SUSD1: variants seen among roughly 807,000 people sequenced by gnomAD.
The protein encoded by SUSD1 is sushi domain containing 1.
Under a neutral mutation model 86.9 loss-of-function variants are expected in SUSD1, and 65 were observed. The observed-to-expected ratio is 0.75, with a 90% CI of 0.61 to 0.92. The LOEUF (loss-of-function observed/expected upper bound fraction) is 0.92. Ranked by LOEUF, SUSD1 falls within the 40% of genes least tolerant of loss-of-function variation. The pLI is 0.00. For missense variants in SUSD1, 850 were observed against 929.7 expected (o/e 0.91, Z 1.11); for synonymous variants, 346 against 350.0 (o/e 0.99, Z 0.13).
chr9:112,172,207 A>T (rs1589763992), intron 1 of SUSD1, among the ~76,000 whole-genome samples: 1 of 152,084 alleles, frequency 6.6e-6, no homozygotes, highest in East Asian at 1.9e-4. Flanking sequence ...AAAAAAAAAA[A>T]AAAAGAGTAT....
At chr9:112,096,865 C>A (rs1027917551) in intron 10 of SUSD1, among the ~76,000 whole-genome samples, 11 of 152,108 alleles carry the variant, frequency 7.2e-5, no homozygotes, top group Non-Finnish European at 1.6e-4. Context: ...TTTTATTTCT[C>A]TAAGAATTTA....
chr9:112,171,085 A>G (rs139534595), intron 1 of SUSD1, among the ~76,000 whole-genome samples: 5 of 152,218 alleles, frequency 3.3e-5, no homozygotes, highest in African/African-American at 9.6e-5. Flanking sequence ...ATCAGCCCCA[A>G]ATGGTCAGGC....
chr9:112,108,732 T>C (rs935521478), intron 8 of SUSD1, among the ~76,000 whole-genome samples: 1 of 145,740 alleles, frequency 6.9e-6, no homozygotes, highest in Non-Finnish European at 1.5e-5. Context: ...GAGCTGTGAT[T>C]GTACTACTGC....
chr9:112,138,533 A>G (rs1008694660), intron 5 of SUSD1, among the ~76,000 whole-genome samples: 1 of 149,726 alleles, frequency 6.7e-6, no homozygotes, highest in Admixed American at 6.7e-5. Context: ...ATCTCAGCTC[A>G]CAGCAACCTC....
At chr9:112,053,504 A>G (rs538097561) in intron 14 of SUSD1, among the ~76,000 whole-genome samples, 2 of 110,306 alleles carry the variant, frequency 1.8e-5, no homozygotes, top group South Asian at 3.2e-4. Context: ...ACAGAATGAG[A>G]CTTCGTCTCA....
rs755993946 is a variant in SUSD1, at chr9:112,041,854, CA to C, written c.2243+12del. On this transcript the variant is annotated intron_variant, in intron 16 of 16. Transcript: ENST00000374270. ...CATTCCAGTCATTTCTCAAAAATGA[CA>C]CCCTCACATACCACACCGCTGAGAA... 1 of 1,611,522 alleles carries C rather than the reference CA, an allele frequency of 6.2e-7. No homozygotes were observed. Among genetic ancestry groups the C allele is most frequent in the Non-Finnish European group, 8.5e-7 (1 of 1,178,650 alleles).
chr9:112,076,228 T>C (rs1344893774), intron 12 of SUSD1, among the ~76,000 whole-genome samples: 5 of 152,124 alleles, frequency 3.3e-5, no homozygotes, highest in Non-Finnish European at 5.9e-5. Flanking sequence ...GGGAGGTATA[T>C]AGGCAAGAGA....
intron 12 of SUSD1, among the ~76,000 whole-genome samples, chr9:112,066,168 G>T (rs530498492): frequency 5.3e-5 from 8 of 152,302 alleles, no homozygotes; most frequent in African/African-American, 1.9e-4. Context: ...CACTTTACCT[G>T]AGATTAAACC....
At chr9:112,120,690 G>A (rs949153000) in intron 6 of SUSD1, among the ~76,000 whole-genome samples, 1 of 152,216 alleles carries the variant, frequency 6.6e-6, no homozygotes, top group African/African-American at 2.4e-5. Context: ...AAAGGTAGCA[G>A]GCTGAGGATG....
At chr9:112,163,144 T>C (rs923714115) in intron 1 of SUSD1, among the ~76,000 whole-genome samples, 1 of 152,086 alleles carries the variant, frequency 6.6e-6, no homozygotes. Flanking sequence ...CTCATCACTT[T>C]GGTTTGTTTG....
chr9:112,040,967 G>T lies in SUSD1; in HGVS notation c.*525C>A. On this transcript the variant is annotated 3_prime_UTR_variant, in exon 17 of 17. Transcript: ENST00000374270. The stretch of plus-strand genomic sequence containing the variant: ...GAAAAGTACTGTTTCTAAAGTGCTT[G>T]AAACATTTGCCTACGTCACTGTTCT... 6.1e-6 allele frequency: 1 copy of T among 164,092 alleles called. No individual in the cohort carries two copies. Among genetic ancestry groups the T allele is most frequent in the Non-Finnish European group, 1.3e-5 (1 of 74,990 alleles). 10.2% of individuals were successfully genotyped at this position (164,092 alleles called of 1,614,324 possible). A position where few individuals can be genotyped will look rare whatever the true frequency, so the allele number is the denominator to read the frequency against.
chr9:112,149,428 G>A (rs1832951095), intron 2 of SUSD1, 29 bp from the exon 3 acceptor site: 1 of 1,609,904 alleles, frequency 6.2e-7, no homozygotes, highest in Non-Finnish European at 8.5e-7. Context: ...GGCACCGGAA[G>A]AGCTATCAAT....
At chr9:112,142,198 A>G in intron 5 of SUSD1, 122 bp downstream of exon 5, 1 of 792,468 alleles carries the variant, frequency 1.3e-6, no homozygotes, top group Non-Finnish European at 1.9e-6. Context: ...TCTATGAGAA[A>G]CAAATAGGAA....
In SUSD1 at chr9:112,164,176, A is replaced by G. The variant is rs1833685580; in HGVS notation, c.104-6563T>C. 2.6e-5 allele frequency among the ~76,000 whole-genome samples: 4 copies of G among 152,292 alleles called. No homozygotes were observed. In the South Asian group the frequency reaches 8.3e-4, roughly 32 times the overall value. On this transcript the variant is annotated intron_variant, in intron 1 of 16. Transcript: ENST00000374270. Reference sequence around the variant, plus strand: ...TCTGAATTAGTGAAGGATAGAATAGAAAATGTTTTAAAAGAAACTGAATTA... The same window carrying G: ...TCTGAATTAGTGAAGGATAGAATAGGAAATGTTTTAAAAGAAACTGAATTA...
intron 12 of SUSD1, among the ~76,000 whole-genome samples, chr9:112,070,699 G>T (rs917752873): frequency 1.3e-5 from 2 of 151,830 alleles, no homozygotes; most frequent in Non-Finnish European, 2.9e-5. Context: ...GTGGGGAAAA[G>T]TAATGAAGGA....
chr9:112,093,250 G>A (rs534727335), intron 10 of SUSD1, among the ~76,000 whole-genome samples: 104 of 152,244 alleles, frequency 6.8e-4, no homozygotes, highest in Non-Finnish European at 1.1e-3. Context: ...TAATTGGTAG[G>A]AGACTGCCAT....
At chr9:112,051,637 G>C (rs1337110235) in intron 15 of SUSD1, among the ~76,000 whole-genome samples, 1 of 151,772 alleles carries the variant, frequency 6.6e-6, no homozygotes, top group Non-Finnish European at 1.5e-5. Flanking sequence ...CTCCATGTTG[G>C]TCAGGCTGGT....
chr9:112,052,176 G>C, intron 15 of SUSD1: 1 of 1,476,080 alleles, frequency 6.8e-7, no homozygotes, highest in Non-Finnish European at 8.9e-7. Context: ...CCCAGTCCCA[G>C]TTCCTGGAGC....
intron 12 of SUSD1, among the ~76,000 whole-genome samples, chr9:112,068,341 T>C (rs1278716995): frequency 6.6e-6 from 1 of 151,938 alleles, no homozygotes; most frequent in African/African-American, 2.4e-5. Context: ...TAGAAGTAGG[T>C]GGTCAAGTTA....
Sources: gnomAD v4.1 joint callset for allele counts (sites outside exome capture counted in the v4.1 genomes callset) on GRCh38, gnomAD v4.1.1 for gene constraint, MANE v1.5 for transcripts, NCBI Gene and HGNC (gene_info 2026-07-23, HGNC 2026-07-21) for gene names.